Variants in DMXL1 observed in about 807,000 individuals in gnomAD.
DMXL1 encodes the protein dmX-like protein 1.
A neutral mutation model predicts 319.2 loss-of-function variants in DMXL1; 99 were observed. The observed-to-expected ratio is 0.31, with a 90% CI of 0.26 to 0.37. The LOEUF is 0.37. DMXL1 is among the 10% of genes least tolerant of loss of function. The pLI is 1.00. For synonymous variants in DMXL1, 1,385 were observed against 1,235.2 expected (o/e 1.12, Z -2.54); for missense variants, 3,745 against 3,595.6 (o/e 1.04, Z -1.06).
At chr5:119,171,309 G>T in intron 24 of DMXL1, 29 bp downstream of exon 24, 1 of 1,544,002 alleles carries the variant, frequency 6.5e-7, no homozygotes, top group South Asian at 1.3e-5. Flanking sequence ...AGTCAAAAAT[G>T]GTACATGTCT....
intron 2 of DMXL1, among the ~76,000 whole-genome samples, chr5:119,099,657 C>G (rs184181505): frequency 6.6e-6 from 1 of 152,254 alleles, no homozygotes; most frequent in East Asian, 1.9e-4. Context: ...TTAATACTTT[C>G]CAATATGAGC....
chr5:119,201,645 T>G (rs1780731614), intron 32 of DMXL1, among the ~76,000 whole-genome samples: 1 of 152,242 alleles, frequency 6.6e-6, no homozygotes, highest in Non-Finnish European at 1.5e-5. Context: ...GTATGAATGG[T>G]ACCAGCTTTT....
rs1561615213 is a variant in DMXL1, at chr5:119,114,547, T to C, written c.564+6T>C. ...TTTTTGCCACTGCTGGGAAGGTAAATTGTGAAAATGCTATTGCCAAATTAT... is the reference window on the plus strand; with the variant it reads ...TTTTTGCCACTGCTGGGAAGGTAAACTGTGAAAATGCTATTGCCAAATTAT... On this transcript the variant is annotated splice_donor_region_variant and intron_variant, in intron 6 of 43. Transcript: ENST00000539542. 3.8e-6 allele frequency: 6 copies of C among 1,598,104 alleles called. No homozygotes were observed. Among genetic ancestry groups the C allele is most frequent in the South Asian group, 1.1e-5 (1 of 87,502 alleles).
At chr5:119,158,871 T>G (rs1443845626) in intron 19 of DMXL1, among the ~76,000 whole-genome samples, 1 of 152,206 alleles carries the variant, frequency 6.6e-6, no homozygotes, top group Non-Finnish European at 1.5e-5. Flanking sequence ...TATTGTGCTG[T>G]TAATTTGGTT....
In DMXL1 at chr5:119,178,199, G is replaced by A. The variant is rs776787318; in HGVS notation, c.7090G>A (p.Ala2364Thr). The change falls in exon 28 of 44, where the codon GCA (alanine) becomes ACA (threonine). Residue 2364 changes from alanine (A) to threonine (T), a missense_variant. Ala to Thr is a moderately conservative substitution (Grantham distance 58). Around this residue, in one of 4 missense-constraint regions of DMXL1, gnomAD observed 1,382 missense variants for 1,269.5 expected, o/e 1.09. Transcript: ENST00000539542. ...GTGGTCTGCTGTGTTTGGTGGAGGTGCACATGTTCCTAGCAAAGAACAGAC... is the reference window on the plus strand; with the variant it reads ...GTGGTCTGCTGTGTTTGGTGGAGGTACACATGTTCCTAGCAAAGAACAGAC... ...KMWSAVFGGG[A>T]HVPSKEQTHS... 3.1e-6 allele frequency: 5 copies of A among 1,613,732 alleles called. No homozygotes were observed. In the African/African-American group the frequency reaches 4.0e-5, roughly 13 times the overall value.
chr5:119,213,300 C>T (rs1021694275), intron 34 of DMXL1, among the ~76,000 whole-genome samples: 1 of 152,104 alleles, frequency 6.6e-6, no homozygotes, highest in Non-Finnish European at 1.5e-5. Context: ...GCTCTGTATG[C>T]AGATATTTTC....
At chr5:119,217,671 G>C (rs537253215) in intron 35 of DMXL1, among the ~76,000 whole-genome samples, 56 of 152,126 alleles carry the variant, frequency 3.7e-4, no homozygotes, top group African/African-American at 1.2e-3. Flanking sequence ...AGGAGATATT[G>C]TATACATATA....
chr5:119,185,044 C>T (rs1336913265), intron 28 of DMXL1, among the ~76,000 whole-genome samples: 2 of 152,200 alleles, frequency 1.3e-5, no homozygotes, highest in East Asian at 3.9e-4. Flanking sequence ...CTACTACTAT[C>T]GATCCAGATG....
intron 34 of DMXL1, among the ~76,000 whole-genome samples, chr5:119,215,437 A>G (rs987259359): frequency 6.6e-6 from 1 of 152,084 alleles, no homozygotes; most frequent in African/African-American, 2.4e-5. Flanking sequence ...CCACTCAAGT[A>G]GCTGGGATTA....
rs1219045720 is a variant in DMXL1 at position 119,149,914 on chromosome 5, G to A, written c.4087G>A (p.Ala1363Thr). 6.2e-7 allele frequency: 1 copy of A among 1,613,782 alleles called. No individual in the cohort carries two copies. Among genetic ancestry groups the A allele is most frequent in the Non-Finnish European group, 8.5e-7 (1 of 1,179,940 alleles). Residue 1363 changes from alanine to threonine, a missense_variant, in exon 18 of 44, where the codon GCT becomes ACT. Transcript: ENST00000539542. ...IAGEVVALNEAESNHERRLRS... is the reference protein window; with the variant it reads ...IAGEVVALNETESNHERRLRS... ...TGGGGAAGTTGTGGCTCTGAATGAAGCTGAATCTAATCATGAACGCCGCCT... is the reference window on the plus strand; with the variant it reads ...TGGGGAAGTTGTGGCTCTGAATGAAACTGAATCTAATCATGAACGCCGCCT...
In DMXL1 at chr5:119,249,060, T is replaced by C. The variant is rs752224241; in HGVS notation, c.*1841T>C. ...AGCATTTATATGGATAATCATACATTATGTAAGCCCATATGTATTTACATC... is the reference window on the plus strand; with the variant it reads ...AGCATTTATATGGATAATCATACATCATGTAAGCCCATATGTATTTACATC... On this transcript the variant is annotated 3_prime_UTR_variant, in exon 44 of 44. Coordinates refer to ENST00000539542, the MANE Select transcript of DMXL1 (RefSeq NM_001290321.3). 1.3e-5 allele frequency: 2 copies of C among 152,598 alleles called. No homozygotes were observed. Among genetic ancestry groups the C allele is most frequent in the Admixed American group, 6.5e-5 (1 of 15,288 alleles). The allele number at this position is 152,598 out of a possible 1,614,324, so 9.5% of individuals were successfully genotyped here. A position where few individuals can be genotyped will look rare whatever the true frequency, so the allele number is the denominator to read the frequency against.
intron 1 of DMXL1, among the ~76,000 whole-genome samples, chr5:119,089,573 G>T (rs1754229197): frequency 1.3e-5 from 2 of 149,794 alleles, no homozygotes; most frequent in South Asian, 2.1e-4. Context: ...CTCCCAAAGT[G>T]CTGGGATTAC....
chr5:119,190,215 C>G (rs1363486492), intron 29 of DMXL1, among the ~76,000 whole-genome samples: 5 of 152,172 alleles, frequency 3.3e-5, no homozygotes, highest in African/African-American at 1.2e-4. Context: ...TCAAAGTGCT[C>G]TGGTCATCTA....
intron 9 of DMXL1, among the ~76,000 whole-genome samples, chr5:119,125,810 C>CGT (rs1399999083): frequency 2.6e-5 from 4 of 152,130 alleles, no homozygotes; most frequent in Non-Finnish European, 5.9e-5. Context: ...GTGATCCACC[C>CGT]ACCTTGACCT....
intron 9 of DMXL1, among the ~76,000 whole-genome samples, chr5:119,122,119 G>A (rs537191668): frequency 2.1e-5 from 3 of 140,822 alleles, no homozygotes; most frequent in East Asian, 2.2e-4. Context: ...CGGACGGGGC[G>A]GCTGGCCGGG....
At chr5:119,184,664 G>A (rs751223648) in intron 28 of DMXL1, among the ~76,000 whole-genome samples, 1 of 152,016 alleles carries the variant, frequency 6.6e-6, no homozygotes, top group Non-Finnish European at 1.5e-5. Flanking sequence ...ACAATCCCTG[G>A]TAATCACTAT....
At chr5:119,087,274 A>G (rs984452542) in intron 1 of DMXL1, among the ~76,000 whole-genome samples, 1 of 151,388 alleles carries the variant, frequency 6.6e-6, no homozygotes, top group African/African-American at 2.4e-5. Context: ...AAGTCTTTCT[A>G]CTTTTTTTCT....
intron 37 of DMXL1, among the ~76,000 whole-genome samples, chr5:119,223,018 G>A (rs1280512448): frequency 6.8e-6 from 1 of 148,054 alleles, no homozygotes; most frequent in Non-Finnish European, 1.5e-5. Context: ...ATTATCCCTT[G>A]CGCTTACCAG....
chr5:119,156,234 C>G (rs1344780682), intron 19 of DMXL1, among the ~76,000 whole-genome samples: 1 of 152,204 alleles, frequency 6.6e-6, no homozygotes, highest in Non-Finnish European at 1.5e-5. Context: ...AAAATTATGA[C>G]TTGCTTAAGG....
Sources: gnomAD v4.1 joint callset for allele counts (sites outside exome capture counted in the v4.1 genomes callset) on GRCh38, gnomAD v4.1.1 for gene constraint, gnomAD v4.1.1 regional missense constraint, MANE v1.5 for transcripts, NCBI Gene and HGNC (gene_info 2026-07-23, HGNC 2026-07-21) for gene names.